DHTKD1: variants seen among roughly 807,000 people sequenced by gnomAD.
DHTKD1 encodes the protein dehydrogenase E1 and transketolase domain containing 1, also known as 2-oxoadipate dehydrogenase complex component E1.
DHTKD1 carries 78 observed loss-of-function variants against 101.8 expected under a neutral mutation model. That is an observed-to-expected ratio of 0.77 (90% CI 0.64 to 0.93). The LOEUF (loss-of-function observed/expected upper bound fraction) is 0.93, where lower values mean the gene tolerates loss of function less well. Ranked by LOEUF, DHTKD1 falls within the 40% of genes least tolerant of loss-of-function variation. DHTKD1 has a pLI of 0.00. For missense variants in DHTKD1, 1,223 were observed against 1,161.7 expected (o/e 1.05, Z -0.77); for synonymous variants, 462 against 450.3 (o/e 1.03, Z -0.33).
intron 13 of DHTKD1, 118 bp from the exon 14 acceptor site, chr10:12,117,555 G>C: frequency 1.4e-6 from 1 of 693,000 alleles, no homozygotes; most frequent in South Asian, 1.6e-5. Context: ...TTAGGACATG[G>C]GTCTCCTTGC....
At chr10:12,119,860 A>C (rs1401081183) in intron 15 of DHTKD1, among the ~76,000 whole-genome samples, 1 of 152,140 alleles carries the variant, frequency 6.6e-6, no homozygotes, top group Admixed American at 6.6e-5. Context: ...ATACACCTAA[A>C]CTACAAAACA....
intron 1 of DHTKD1, among the ~76,000 whole-genome samples, chr10:12,074,456 C>T (rs536258786): frequency 2.2e-4 from 34 of 152,076 alleles, no homozygotes; most frequent in African/African-American, 6.5e-4. Flanking sequence ...CCTGGGTTCA[C>T]GCCATTCTCC....
At position 12,090,428 on chromosome 10, in the gene DHTKD1, T is replaced by TTTCCTTCCTTCC. The variant is rs57839020; in HGVS notation, c.988-1045_988-1034dup. On this transcript the variant is annotated intron_variant, in intron 5 of 16. Transcript: ENST00000263035. The stretch of plus-strand genomic sequence containing the variant: ...TCCTTTTTTCCTTCCTTCCTTCCTT[T>TTTCCTTCCTTCC]TTCCTTCCTTCCTTCCTTCCTTCCT... Among the ~76,000 whole-genome samples, 660 of 119,858 alleles carry TTTCCTTCCTTCC rather than the reference T, an allele frequency of 5.5e-3. 11 individuals are homozygous for TTTCCTTCCTTCC. Among genetic ancestry groups the TTTCCTTCCTTCC allele is most frequent in the African/African-American group, 0.017 (469 of 28,170 alleles). 78.6% of individuals were successfully genotyped at this position (119,858 alleles called of 152,430 possible).
At chr10:12,083,931 T>A (rs1040042633) in intron 2 of DHTKD1, among the ~76,000 whole-genome samples, 1 of 151,912 alleles carries the variant, frequency 6.6e-6, no homozygotes, top group Admixed American at 6.6e-5. Flanking sequence ...TTTATTTATT[T>A]ATTTATTTTG....
chr10:12,120,074 T>C, intron 15 of DHTKD1, 108 bp from the exon 16 acceptor site: 1 of 814,056 alleles, frequency 1.2e-6, no homozygotes, highest in Non-Finnish European at 2.1e-6. Context: ...GTGAATCCCT[T>C]TCACACCATC....
intron 7 of DHTKD1, among the ~76,000 whole-genome samples, chr10:12,096,985 C>G (rs1436435313): frequency 6.6e-6 from 1 of 152,164 alleles, no homozygotes; most frequent in Non-Finnish European, 1.5e-5. Flanking sequence ...TGGATGCAGA[C>G]AAAAACTTAT....
At chr10:12,111,796 AAGG>A (rs1833334062) in intron 12 of DHTKD1, among the ~76,000 whole-genome samples, 1 of 152,078 alleles carries the variant, frequency 6.6e-6, no homozygotes, top group African/African-American at 2.4e-5. Flanking sequence ...CCTGGGAAAG[AAGG>A]AGAATGAGTG....
chr10:12,100,287 G>GTTTTTTTT (rs57815181), intron 9 of DHTKD1, 25 bp downstream of exon 9: 7,327 of 270,910 alleles, frequency 0.027, 493 homozygotes, highest in South Asian at 0.036. Flanking sequence ...TTTTTTTTCT[G>GTTTTTTTT]TTTTTTTTTT....
Position 12,100,266 on chromosome 10 carries a change from A to G in DHTKD1, c.1756+4A>G. 1.7e-6 allele frequency: 1 copy of G among 591,704 alleles called. No homozygotes were observed. The highest frequency in any genetic ancestry group is 2.8e-5 in the South Asian group (1 of 35,114). The allele number at this position is 591,704 out of a possible 1,614,324, so 36.7% of individuals were successfully genotyped here. On this transcript the variant is annotated splice_donor_region_variant and intron_variant, in intron 9 of 16. Transcript: ENST00000263035. ...TTGGGTTCTTTACTTGCTCAAGGTA[A>G]GAATTTTCTTTTTTTTTTCTGTTTT...
At position 12,110,713 on chromosome 10, in the gene DHTKD1, A is replaced by G. The variant is rs1588617207; in HGVS notation, c.2155-2187A>G. ...ATATAATACGTTAACTACAGTTACC[A>G]TCCTGTACAGTAGATCTCCAGAACT... On this transcript the variant is annotated intron_variant, in intron 12 of 16. Coordinates refer to ENST00000263035, the MANE Select transcript of DHTKD1 (RefSeq NM_018706.7). The surrounding 1 kb of genome is among the most constrained non-coding windows in gnomAD (Gnocchi z 4.9). 6.6e-6 allele frequency among the ~76,000 whole-genome samples: 1 copy of G among 152,094 alleles called. No homozygotes were observed.
At chr10:12,095,857 A>AAAATTAG (rs1030469666) in intron 7 of DHTKD1, among the ~76,000 whole-genome samples, 2 of 149,948 alleles carry the variant, frequency 1.3e-5, no homozygotes, top group Admixed American at 1.3e-4. Flanking sequence ...AAGAAAAAGA[A>AAAATTAG]AAATTAGCTG....
chr10:12,097,696 C>T lies in DHTKD1; in HGVS notation c.1371C>T (p.Ser457=), dbSNP rs760150534. ...CTTTCTTGGGCAGAGCTCGAAAGAGCATTCCAGACACATATGCAGAGCACC... is the reference window on the plus strand; with the variant it reads ...CTTTCTTGGGCAGAGCTCGAAAGAGTATTCCAGACACATATGCAGAGCACC... ...IMYKIIRARK[S]IPDTYAEHLI... Residue 457 remains serine, a synonymous_variant, in exon 8 of 17, where the codon AGC becomes AGT. Transcript: ENST00000263035. 13 of 1,610,564 alleles carry T rather than the reference C, an allele frequency of 8.1e-6. No homozygotes were observed. The highest frequency in any genetic ancestry group is 1.1e-5 in the Non-Finnish European group (13 of 1,178,424).
At chr10:12,077,649 G>T (rs912158207) in intron 1 of DHTKD1, among the ~76,000 whole-genome samples, 1 of 152,180 alleles carries the variant, frequency 6.6e-6, no homozygotes, top group South Asian at 2.1e-4. Flanking sequence ...CAGAGGATGG[G>T]TTTATAAAGA....
rs1257876078 is a variant in DHTKD1, at chr10:12,118,888, C to G, written c.2542C>G (p.Gln848Glu). The change falls in exon 15 of 17, where the codon CAA becomes GAA. Residue 848 changes from glutamine to glutamate, a missense_variant. By Grantham distance (29) the Gln-to-Glu change is conservative. Transcript: ENST00000263035. ...LCPFPLDSLQ[Q>E]EMSKYKHVKD... ...CCCCTTCCCGTTGGATTCTTTACAG[C>G]AAGAGATGAGCAAATACAAACATGT... 6.3e-7 allele frequency: 1 copy of G among 1,597,680 alleles called. No homozygotes were observed. Among genetic ancestry groups the G allele is most frequent in the Admixed American group, 1.8e-5 (1 of 56,764 alleles).
chr10:12,101,302 G>A, intron 10 of DHTKD1, 121 bp downstream of exon 10: 10 of 1,086,888 alleles, frequency 9.2e-6, no homozygotes, highest in Non-Finnish European at 9.0e-6. Flanking sequence ...AAGTAAAGGA[G>A]TGCTAAATGG....
At chr10:12,093,955 A>C (rs1833030036) in intron 6 of DHTKD1, 118 bp from the exon 7 acceptor site, 1 of 904,474 alleles carries the variant, frequency 1.1e-6, no homozygotes, top group South Asian at 1.6e-5. Flanking sequence ...GTTGTTAACC[A>C]AACCAATATC....
intron 12 of DHTKD1, among the ~76,000 whole-genome samples, chr10:12,112,670 T>C (rs909905581): frequency 6.6e-6 from 1 of 152,180 alleles, no homozygotes; most frequent in African/African-American, 2.4e-5. Flanking sequence ...TTGGGAACAA[T>C]TGTGTTAGAT....
intron 13 of DHTKD1, among the ~76,000 whole-genome samples, chr10:12,114,665 C>T (rs1459183613): frequency 6.6e-6 from 1 of 152,124 alleles, no homozygotes; most frequent in Non-Finnish European, 1.5e-5. Context: ...TAGAATTTGG[C>T]CATTCAAGAA....
chr10:12,109,385 A>C (rs1441542746), intron 12 of DHTKD1, among the ~76,000 whole-genome samples: 2 of 151,738 alleles, frequency 1.3e-5, no homozygotes, highest in African/African-American at 4.8e-5. Flanking sequence ...AAAGCATGAC[A>C]TGTGAAATGC....
Sources: allele counts gnomAD v4.1 joint callset (sites outside exome capture counted in the v4.1 genomes callset), GRCh38; gene constraint gnomAD v4.1.1; non-coding constraint Gnocchi (gnomAD v3.1); transcripts MANE v1.5; gene names NCBI Gene and HGNC (gene_info 2026-07-23, HGNC 2026-07-21).